The following DNAI1 variants were observed in gnomAD, a reference collection of about 807,000 sequenced individuals.
DNAI1 encodes the protein dynein axonemal intermediate chain 1.
A neutral mutation model predicts 92.0 loss-of-function variants in DNAI1; 67 were observed. That is an observed-to-expected ratio of 0.73 (90% confidence interval 0.60 to 0.89). DNAI1 has a LOEUF of 0.89. Ranked by LOEUF, DNAI1 falls within the 40% of genes least tolerant of loss-of-function variation. DNAI1 has a pLI of 0.00. For missense variants in DNAI1, 839 were observed against 866.6 expected (o/e 0.97, Z 0.40); for synonymous variants, 323 against 319.6 (o/e 1.01, Z -0.11).
At chr9:34,504,275 G>C (rs1824883932) in intron 12 of DNAI1, among the ~76,000 whole-genome samples, 1 of 152,228 alleles carries the variant, frequency 6.6e-6, no homozygotes, top group African/African-American at 2.4e-5. Flanking sequence ...GCCCAGGCCA[G>C]AGATACACTT....
Position 34,458,829 on chromosome 9 carries a change from A to G in DNAI1, c.-177A>G, listed in dbSNP as rs1823875472. ...CGGTTGCTGGGTAACCGCGTCAGGG[A>G]GTTGGATTCTATCCTGCAAGGGCAC... On this transcript the variant is annotated 5_prime_UTR_variant, in exon 1 of 20. Coordinates refer to ENST00000242317, the MANE Select transcript of DNAI1 (RefSeq NM_012144.4). This position sits in a 1 kb window ranked among gnomAD's most constrained non-coding sequence, Gnocchi z 6.6. 2 of 679,828 alleles carry G rather than the reference A, an allele frequency of 2.9e-6. No homozygotes were observed. The highest frequency in any genetic ancestry group is 1.6e-5 in the South Asian group (1 of 63,240). 42.1% of individuals were successfully genotyped at this position (679,828 alleles called of 1,614,324 possible).
At chr9:34,492,804 A>AG (rs1434086371) in intron 8 of DNAI1, among the ~76,000 whole-genome samples, 1 of 151,734 alleles carries the variant, frequency 6.6e-6, no homozygotes, top group Non-Finnish European at 1.5e-5. Context: ...TACAGGTGTA[A>AG]GCCACTGTGC....
intron 2 of DNAI1, 171 bp from the exon 3 acceptor site, chr9:34,484,971 G>T: frequency 3.0e-6 from 2 of 661,820 alleles, no homozygotes; most frequent in Non-Finnish European, 5.4e-6. Context: ...TGAGAACTCT[G>T]GCCTGAGCAG....
rs1348762743 is a variant in DNAI1 at position 34,458,840 on chromosome 9, A to G, written c.-166A>G. 1.1e-5 allele frequency: 8 copies of G among 705,682 alleles called. No homozygotes were observed. Among genetic ancestry groups the G allele is most frequent in the Non-Finnish European group, 2.1e-5 (8 of 385,132 alleles). 43.7% of individuals were successfully genotyped at this position (705,682 alleles called of 1,614,324 possible). ...TAACCGCGTCAGGGAGTTGGATTCT[A>G]TCCTGCAAGGGCACGGGGACCCACA... On this transcript the variant is annotated 5_prime_UTR_variant, in exon 1 of 20. Transcript: ENST00000242317. This position sits in a 1 kb window ranked among gnomAD's most constrained non-coding sequence, Gnocchi z 6.6.
intron 12 of DNAI1, among the ~76,000 whole-genome samples, chr9:34,501,719 G>T (rs1001342683): frequency 4.6e-5 from 7 of 152,154 alleles, no homozygotes; most frequent in Non-Finnish European, 8.8e-5. Context: ...CTGTGGAGTA[G>T]GGATGGAGAC....
chr9:34,460,704 C>T (rs1398120114), intron 1 of DNAI1, among the ~76,000 whole-genome samples: 2 of 152,018 alleles, frequency 1.3e-5, no homozygotes, highest in Admixed American at 6.6e-5. Context: ...CTCTTGTCAC[C>T]CAGGGTGGAG....
intron 1 of DNAI1, 39 bp downstream of exon 1, chr9:34,459,092 T>C: frequency 1.3e-6 from 2 of 1,590,712 alleles, no homozygotes; most frequent in Non-Finnish European, 1.7e-6. Context: ...ACCTCTGACC[T>C]TCGTCGTCGC....
intron 13 of DNAI1, 111 bp downstream of exon 13, chr9:34,506,985 T>C (rs1299511137): frequency 6.8e-7 from 1 of 1,480,342 alleles, no homozygotes; most frequent in East Asian, 2.4e-5. Context: ...GAGATGAGGA[T>C]GGCAGGTACC....
chr9:34,481,455 G>C (rs1413712767), intron 1 of DNAI1, among the ~76,000 whole-genome samples: 1 of 152,200 alleles, frequency 6.6e-6, no homozygotes, highest in Non-Finnish European at 1.5e-5. Context: ...AAAAGAATAT[G>C]TTGCCTCTGA....
chr9:34,514,564 C>T lies in DNAI1; in HGVS notation c.1718+22C>T, dbSNP rs549938723. ...TCAAGTGAGGGGCCTGTTCCTGGCTCTGCCTGGGGCCCTCCCCTGGGCTAT... is the reference window on the plus strand; with the variant it reads ...TCAAGTGAGGGGCCTGTTCCTGGCTTTGCCTGGGGCCCTCCCCTGGGCTAT... On this transcript the variant is annotated intron_variant, in intron 17 of 19. Coordinates refer to ENST00000242317, the MANE Select transcript of DNAI1 (RefSeq NM_012144.4). The T allele has an allele frequency of 5.0e-6, 8 of 1,614,234 alleles. No homozygotes were observed. In the South Asian group the frequency reaches 8.8e-5, roughly 18 times the overall value.
rs1571405 is a variant in DNAI1 at position 34,507,083 on chromosome 9, T to C, written c.1311+209T>C. ...TCCAGTGAGAGCTGGGGTCTGCTGC[T>C]CCAGAGCTTCCCTCAGGAGGGCCCC... On this transcript the variant is annotated intron_variant, in intron 13 of 19. Transcript: ENST00000242317. Among the ~76,000 whole-genome samples, 151,397 of 152,306 alleles carry C rather than the reference T, an allele frequency of 0.99. 75,253 individuals carry two copies. The highest frequency in any genetic ancestry group is 1 in the East Asian group (5,182 of 5,182).
rs908672996 is a variant in DNAI1, at chr9:34,520,845, T to G, written c.*89T>G. 8.7e-6 allele frequency: 11 copies of G among 1,265,574 alleles called. No homozygotes were observed. In the African/African-American group the frequency reaches 1.6e-4, roughly 19 times the overall value. The allele number at this position is 1,265,574 out of a possible 1,614,324, so 78.4% of individuals were successfully genotyped here. On this transcript the variant is annotated 3_prime_UTR_variant, in exon 20 of 20. Transcript: ENST00000242317. ...CCCAGCCCAGCCTTAGCACCCAGCA[T>G]GTGACCCCACTCCTGATCAGGTCCC...
At chr9:34,463,333 C>G (rs1186902112) in intron 1 of DNAI1, among the ~76,000 whole-genome samples, 1 of 152,152 alleles carries the variant, frequency 6.6e-6, no homozygotes, top group African/African-American at 2.4e-5. Flanking sequence ...TAGAGTTAAT[C>G]AAATAACCCA....
intron 1 of DNAI1, among the ~76,000 whole-genome samples, chr9:34,470,891 A>C (rs1008069638): frequency 2.0e-5 from 3 of 152,224 alleles, no homozygotes; most frequent in African/African-American, 7.2e-5. Flanking sequence ...CAAATTCAAC[A>C]TCCATCCTTG....
At chr9:34,468,199 T>C (rs199873767) in intron 1 of DNAI1, among the ~76,000 whole-genome samples, 2 of 150,000 alleles carry the variant, frequency 1.3e-5, no homozygotes, top group Non-Finnish European at 3.0e-5. Context: ...TTTTTTTTTT[T>C]GAGATGGCGT....
intron 1 of DNAI1, among the ~76,000 whole-genome samples, chr9:34,482,294 G>C (rs1824375029): frequency 6.7e-6 from 1 of 150,142 alleles, no homozygotes; most frequent in Non-Finnish European, 1.5e-5. Flanking sequence ...GCTAGATACA[G>C]AGTGTCGATT....
intron 18 of DNAI1, among the ~76,000 whole-genome samples, chr9:34,515,159 C>T (rs185708621): frequency 1.3e-5 from 2 of 152,286 alleles, no homozygotes; most frequent in South Asian, 2.1e-4. Flanking sequence ...GAGGGAACTT[C>T]AGTGGGGTGG....
intron 13 of DNAI1, among the ~76,000 whole-genome samples, chr9:34,509,977 G>A (rs1359109151): frequency 1.3e-5 from 2 of 152,222 alleles, no homozygotes; most frequent in Admixed American, 1.3e-4. Flanking sequence ...GACACCCAGA[G>A]GGAGGCATCC....
chr9:34,468,484 C>T (rs1211031094), intron 1 of DNAI1, among the ~76,000 whole-genome samples: 1 of 151,200 alleles, frequency 6.6e-6, no homozygotes, highest in Non-Finnish European at 1.5e-5. Context: ...CCACCACGCC[C>T]GGCCAAGAAG....
Sources: allele counts gnomAD v4.1 joint callset (sites outside exome capture counted in the v4.1 genomes callset), GRCh38; gene constraint gnomAD v4.1.1; non-coding constraint Gnocchi (gnomAD v3.1); transcripts MANE v1.5; gene names NCBI Gene and HGNC (gene_info 2026-07-23, HGNC 2026-07-21).